The following PTPRM variants were observed in gnomAD, a reference collection of about 807,000 sequenced individuals.
PTPRM encodes the protein protein tyrosine phosphatase receptor type M.
In PTPRM, 47 loss-of-function variants were observed where a neutral mutation model predicts 186.7. That is an observed-to-expected ratio of 0.25 (90% CI 0.20 to 0.32). The LOEUF (loss-of-function observed/expected upper bound fraction) is 0.32. PTPRM is among the 10% of genes least tolerant of loss of function. The pLI, the probability that PTPRM is intolerant of heterozygous loss-of-function variation, is 1.00. For synonymous variants in PTPRM, 668 were observed against 674.9 expected (o/e 0.99, Z 0.16); for missense variants, 1,494 against 1,865.0 (o/e 0.80, Z 3.66).
chr18:7,990,261 T>C (rs1182858746), intron 7 of PTPRM, among the ~76,000 whole-genome samples: 1 of 152,186 alleles, frequency 6.6e-6, no homozygotes, highest in Admixed American at 6.5e-5. Context: ...CTAACTGTCA[T>C]GCAAAATGCA....
chr18:7,621,763 A>C (rs1004418036), intron 1 of PTPRM, among the ~76,000 whole-genome samples: 13 of 152,310 alleles, frequency 8.5e-5, no homozygotes, highest in Admixed American at 4.6e-4. Context: ...AATAATATGC[A>C]TTTAAATTCC....
chr18:7,733,963 AG>A (rs1350403404), intron 1 of PTPRM, among the ~76,000 whole-genome samples: 3 of 152,170 alleles, frequency 2.0e-5, no homozygotes, highest in African/African-American at 7.2e-5. Flanking sequence ...CCCTAATCCT[AG>A]GGGATTTGGC....
intron 2 of PTPRM, among the ~76,000 whole-genome samples, chr18:7,799,889 A>G (rs1364916114): frequency 6.6e-6 from 1 of 152,210 alleles, no homozygotes; most frequent in East Asian, 1.9e-4. Context: ...AAATATTTCC[A>G]TGAAACATCA....
chr18:8,140,828 A>G (rs1292358860), intron 13 of PTPRM, among the ~76,000 whole-genome samples: 1 of 152,226 alleles, frequency 6.6e-6, no homozygotes, highest in South Asian at 2.1e-4. Context: ...TTATACGAAA[A>G]AAAGGAAAAG....
At chr18:7,918,617 G>C (rs925220977) in intron 4 of PTPRM, among the ~76,000 whole-genome samples, 2 of 152,124 alleles carry the variant, frequency 1.3e-5, no homozygotes, top group African/African-American at 4.8e-5. Context: ...TCTGAAGACA[G>C]CTACTTGAAT....
At chr18:8,401,008 G>T (rs2095869534) in intron 32 of PTPRM, among the ~76,000 whole-genome samples, 1 of 152,106 alleles carries the variant, frequency 6.6e-6, no homozygotes. Flanking sequence ...GTTGAGGAAG[G>T]TTTGTAATAA....
At chr18:8,231,542 C>T (rs534862178) in intron 14 of PTPRM, among the ~76,000 whole-genome samples, 1 of 152,336 alleles carries the variant, frequency 6.6e-6, no homozygotes, top group East Asian at 1.9e-4. Context: ...CCATCATAAA[C>T]ATAATAACTT....
intron 1 of PTPRM, among the ~76,000 whole-genome samples, chr18:7,697,448 A>G (rs551591469): frequency 5.1e-4 from 78 of 152,310 alleles, no homozygotes; most frequent in African/African-American, 1.8e-3. Flanking sequence ...CCCACTGTTC[A>G]GTCTTGTTGA....
chr18:7,647,685 C>T (rs933899035), intron 1 of PTPRM, among the ~76,000 whole-genome samples: 2 of 152,180 alleles, frequency 1.3e-5, no homozygotes, highest in African/African-American at 2.4e-5. Flanking sequence ...GAATCTGGCA[C>T]GTGGTGATTA....
chr18:7,730,346 A>G (rs2040633037), intron 1 of PTPRM, among the ~76,000 whole-genome samples: 1 of 152,152 alleles, frequency 6.6e-6, no homozygotes. Flanking sequence ...AGTCATTTCT[A>G]TGTTACCCCT....
intron 1 of PTPRM, among the ~76,000 whole-genome samples, chr18:7,714,960 CTA>C (rs937649606): frequency 6.6e-6 from 1 of 152,176 alleles, no homozygotes; most frequent in African/African-American, 2.4e-5. Flanking sequence ...CCTTCCGAAA[CTA>C]TTCCAAACAA....
At chr18:8,152,610 C>T (rs1357560264) in intron 14 of PTPRM, among the ~76,000 whole-genome samples, 1 of 151,882 alleles carries the variant, frequency 6.6e-6, no homozygotes, top group African/African-American at 2.4e-5. Context: ...CTCTCTACCC[C>T]TCTTTTCTTT....
chr18:7,578,082 C>G (rs534635660), intron 1 of PTPRM, among the ~76,000 whole-genome samples: 1 of 152,102 alleles, frequency 6.6e-6, no homozygotes, highest in Non-Finnish European at 1.5e-5. Context: ...CCTTCTACCT[C>G]TAAGTAGCCA....
At chr18:7,587,853 C>T (rs1348015146) in intron 1 of PTPRM, among the ~76,000 whole-genome samples, 9 of 152,066 alleles carry the variant, frequency 5.9e-5, no homozygotes, top group Non-Finnish European at 1.2e-4. Context: ...ATCAAGCTGT[C>T]GGTAAAATCA....
rs927792310 is a variant in PTPRM, at chr18:7,901,431, A to G, written c.469-5074A>G. On this transcript the variant is annotated intron_variant, in intron 3 of 32. Transcript: ENST00000580170. Reference sequence around the variant, plus strand: ...CGCCAGGCTGCAGTGCAGTGGCACAATCTTGGCTCACTGCAACCTCTGCCT... The same window carrying G: ...CGCCAGGCTGCAGTGCAGTGGCACAGTCTTGGCTCACTGCAACCTCTGCCT... 4.6e-5 allele frequency among the ~76,000 whole-genome samples: 7 copies of G among 152,228 alleles called. No individual in the cohort carries two copies. The East Asian group carries it at 9.6e-4, about 21-fold the overall frequency.
At chr18:8,166,674 C>G (rs920219277) in intron 14 of PTPRM, among the ~76,000 whole-genome samples, 1 of 152,124 alleles carries the variant, frequency 6.6e-6, no homozygotes, top group Non-Finnish European at 1.5e-5. Flanking sequence ...CTGCTGTAAG[C>G]TTTTTACGAG....
At chr18:8,405,753 T>A (rs2095902453) in intron 32 of PTPRM, among the ~76,000 whole-genome samples, 1 of 152,180 alleles carries the variant, frequency 6.6e-6, no homozygotes. Flanking sequence ...AGGAAGGCAT[T>A]TCCTGAAGCA....
At chr18:7,844,851 G>T (rs1466720058) in intron 2 of PTPRM, among the ~76,000 whole-genome samples, 1 of 152,162 alleles carries the variant, frequency 6.6e-6, no homozygotes, top group Non-Finnish European at 1.5e-5. Context: ...TAATGGCAGT[G>T]TCAGACTAAT....
intron 3 of PTPRM, among the ~76,000 whole-genome samples, chr18:7,894,387 C>T (rs894510886): frequency 3.9e-5 from 6 of 151,934 alleles, no homozygotes; most frequent in African/African-American, 1.5e-4. Context: ...GAGATCGAGA[C>T]CAGCCTGGCT....
Sources: allele counts gnomAD v4.1 joint callset (sites outside exome capture counted in the v4.1 genomes callset), GRCh38; gene constraint gnomAD v4.1.1; transcripts MANE v1.5; gene names NCBI Gene and HGNC (gene_info 2026-07-23, HGNC 2026-07-21).